RBFOX1: variants seen among roughly 807,000 people sequenced by gnomAD.
The protein encoded by RBFOX1 is RNA binding protein fox-1 homolog 1.
In RBFOX1, 8 loss-of-function variants were observed where a neutral mutation model predicts 57.7. The observed-to-expected ratio is 0.14, with a 90% CI of 0.08 to 0.25. The LOEUF (loss-of-function observed/expected upper bound fraction) is 0.25, where lower values mean the gene tolerates loss of function less well. RBFOX1 is among the 10% of genes least tolerant of loss of function. RBFOX1 has a pLI of 1.00. For synonymous variants in RBFOX1, 326 were observed against 222.4 expected (o/e 1.47, Z -4.15); for missense variants, 611 against 548.5 (o/e 1.11, Z -1.14).
At chr16:6,704,759 G>A (rs1040332863) in intron 3 of RBFOX1, 2 of 152,086 alleles carry the variant, frequency 1.3e-5, no homozygotes, top group Non-Finnish European at 2.9e-5. Context: ...CTGCCATCTG[G>A]TCTCGGAGAA....
At chr16:7,455,080 G>A (rs10459843) in intron 4 of RBFOX1, among the ~76,000 whole-genome samples, 77,151 of 152,076 alleles carry the variant, frequency 0.51, 19,959 homozygotes, top group East Asian at 0.74. Context: ...CAACGGATTC[G>A]ATAGCAAACC....
intron 4 of RBFOX1, among the ~76,000 whole-genome samples, chr16:7,281,663 A>T (rs1355656304): frequency 6.6e-6 from 1 of 152,146 alleles, no homozygotes; most frequent in African/African-American, 2.4e-5. Flanking sequence ...GACAGTGTCC[A>T]GCCACTGAGA....
chr16:6,612,732 A>G (rs560445759), intron 2 of RBFOX1, among the ~76,000 whole-genome samples: 7 of 151,724 alleles, frequency 4.6e-5, no homozygotes, highest in Admixed American at 3.9e-4. Context: ...GGTGTCTGCA[A>G]TCCCAGCTAC....
At chr16:6,782,200 T>C (rs772346160) in intron 3 of RBFOX1, among the ~76,000 whole-genome samples, 4 of 152,134 alleles carry the variant, frequency 2.6e-5, no homozygotes, top group Admixed American at 6.5e-5. Flanking sequence ...AGATACAGGG[T>C]TTCGCCATGT....
At chr16:5,712,432 A>G (rs910860603) in intron 3 of RBFOX1, among the ~76,000 whole-genome samples, 1 of 152,198 alleles carries the variant, frequency 6.6e-6, no homozygotes, top group African/African-American at 2.4e-5. Flanking sequence ...AGGACCAGTT[A>G]TTGGGCTCAG....
intron 3 of RBFOX1, among the ~76,000 whole-genome samples, chr16:7,030,640 T>A (rs748529659): frequency 6.6e-6 from 1 of 152,208 alleles, no homozygotes; most frequent in Non-Finnish European, 1.5e-5. Context: ...CCTACTCTAA[T>A]CTACTATGAT....
Position 5,835,835 on chromosome 16 carries a change from G to C in RBFOX1, c.319-31468G>C, listed in dbSNP as rs74004642. Among the ~76,000 whole-genome samples the C allele has an allele frequency of 6.2e-3, 951 of 152,266 alleles. 14 individuals carry two copies. The highest frequency in any genetic ancestry group is 0.022 in the African/African-American group (906 of 41,556). On this transcript the variant is annotated intron_variant, in intron 3 of 19. Coordinates refer to the RBFOX1 transcript ENST00000641259. ...GGGGGACAATTGATTACGAGCTCTT[G>C]GAGGAACCATGCCCACAGGCCTCCC...
At chr16:5,385,354 G>A (rs185260988) in intron 1 of RBFOX1, among the ~76,000 whole-genome samples, 1 of 152,292 alleles carries the variant, frequency 6.6e-6, no homozygotes, top group East Asian at 1.9e-4. Context: ...AATGTCCATT[G>A]TCCAGGCAGA....
intron 1 of RBFOX1, among the ~76,000 whole-genome samples, chr16:6,196,791 G>C: frequency 6.6e-6 from 1 of 151,290 alleles, no homozygotes; most frequent in East Asian, 1.9e-4. Flanking sequence ...AATAATGTCT[G>C]GTTCATCTTT....
intron 2 of RBFOX1, among the ~76,000 whole-genome samples, chr16:6,333,373 C>T (rs2083272072): frequency 1.3e-5 from 2 of 152,212 alleles, no homozygotes; most frequent in South Asian, 4.1e-4. Context: ...TATACTCTTT[C>T]ATATTGTTTA....
chr16:5,984,976 A>ATATATATAT (rs1359064334), intron 4 of RBFOX1, among the ~76,000 whole-genome samples: 8 of 55,708 alleles, frequency 1.4e-4, no homozygotes, highest in African/African-American at 7.0e-4. Context: ...ATATATATAT[A>ATATATATAT]TTTTTTTTTT....
chr16:6,806,826 A>G (rs1441191880), intron 3 of RBFOX1, among the ~76,000 whole-genome samples: 1 of 76,538 alleles, frequency 1.3e-5, no homozygotes, highest in East Asian at 4.4e-4. Context: ...AAATATATAT[A>G]TATATATATA....
chr16:5,571,179 C>G (rs1464383336), intron 2 of RBFOX1, among the ~76,000 whole-genome samples: 1 of 151,108 alleles, frequency 6.6e-6, no homozygotes, highest in African/African-American at 2.4e-5. Flanking sequence ...CTCTCTTACT[C>G]CCTTGTCCCC....
intron 10 of RBFOX1, among the ~76,000 whole-genome samples, chr16:7,629,409 C>T (rs911210068): frequency 4.6e-5 from 7 of 152,136 alleles, no homozygotes; most frequent in Admixed American, 1.3e-4. Context: ...CCCTGTTCTG[C>T]GGGTGCACTT....
At chr16:6,579,728 G>T (rs1201958689) in intron 2 of RBFOX1, among the ~76,000 whole-genome samples, 1 of 151,980 alleles carries the variant, frequency 6.6e-6, no homozygotes, top group Admixed American at 6.6e-5. Context: ...AGCAGCGTGG[G>T]AACAGACTAA....
chr16:7,519,814 AG>A (rs1175278126), intron 5 of RBFOX1: 1 of 758,214 alleles, frequency 1.3e-6, no homozygotes, highest in Admixed American at 6.3e-5. Context: ...CTGTGATAAA[AG>A]AAAACACTGA....
At chr16:7,612,772 C>CA (rs1312833438) in intron 10 of RBFOX1, among the ~76,000 whole-genome samples, 1 of 152,120 alleles carries the variant, frequency 6.6e-6, no homozygotes, top group Non-Finnish European at 1.5e-5. Context: ...ACGGGGCTGT[C>CA]AAATGGTAAA....
intron 4 of RBFOX1, among the ~76,000 whole-genome samples, chr16:7,326,024 G>A (rs549496947): frequency 3.3e-5 from 5 of 152,252 alleles, no homozygotes; most frequent in South Asian, 4.1e-4. Flanking sequence ...GGCATGTAGG[G>A]AAACCTGACT....
chr16:6,238,431 C>T (rs1196413348), intron 1 of RBFOX1, among the ~76,000 whole-genome samples: 3 of 152,120 alleles, frequency 2.0e-5, no homozygotes, highest in Admixed American at 6.5e-5. Flanking sequence ...TGACTCTCCT[C>T]GTAGGATGCC....
Sources: gnomAD v4.1 joint callset for allele counts (sites outside exome capture counted in the v4.1 genomes callset) on GRCh38, gnomAD v4.1.1 for gene constraint, MANE v1.5 for transcripts, NCBI Gene and HGNC (gene_info 2026-07-23, HGNC 2026-07-21) for gene names.